The following UBE2V1 variants were observed in gnomAD, a reference collection of about 807,000 sequenced individuals.
UBE2V1 encodes ubiquitin conjugating enzyme E2 V1.
Under a neutral mutation model 19.6 loss-of-function variants are expected in UBE2V1, and 15 were observed. The ratio of observed to expected loss-of-function variants is 0.77; its 90% CI spans 0.51 to 1.18. The LOEUF (loss-of-function observed/expected upper bound fraction) is 1.18. Among genes scored for constraint, UBE2V1 ranks in the 50% most tolerant of loss-of-function variants. UBE2V1 has a pLI of 0.00. For missense variants in UBE2V1, 125 were observed against 184.8 expected (o/e 0.68, Z 1.88); for synonymous variants, 60 against 60.7 (o/e 0.99, Z 0.05).
rs563239486 is a variant in UBE2V1, at chr20:50,089,160, A to AAATG, written c.172-4910_172-4907dup. Reference sequence around the variant, plus strand: ...CTAAGCTAACACAGATGTAATAACGAAATGAAGCAGGATGGAAACTCTTAA... The same window carrying AAATG: ...CTAAGCTAACACAGATGTAATAACGAAATGAATGAAGCAGGATGGAAACTCTTAA... On this transcript the variant is annotated intron_variant, in intron 2 of 3. Transcript: ENST00000371674. Among the ~76,000 whole-genome samples the AAATG allele has an allele frequency of 3.1e-4, 47 of 150,442 alleles. 1 individual carries two copies. In the East Asian group the frequency reaches 8.7e-3, roughly 28 times the overall value.
chr20:50,099,268 A>C (rs1452806205), intron 1 of UBE2V1, among the ~76,000 whole-genome samples: 1 of 152,200 alleles, frequency 6.6e-6, no homozygotes, highest in Non-Finnish European at 1.5e-5. Context: ...CCAGTACCTC[A>C]GAATGTGACA....
chr20:50,115,522 ATCAC>A (rs2080984175), upstream of UBE2V1: 1 of 1,595,934 alleles, frequency 6.3e-7, no homozygotes, highest in Non-Finnish European at 8.6e-7. Context: ...GTCTTCCTTC[ATCAC>A]TCAGTTTGCT....
Position 50,081,793 on chromosome 20 carries a change from C to G in UBE2V1, c.*975G>C. ...CCAAGGACTCCGAGAGCTGGCAGGT[C>G]TGAGTAACCCTGGTGACTATTCTTT... On this transcript the variant is annotated 3_prime_UTR_variant, in exon 4 of 4. Coordinates refer to ENST00000371674, the MANE Select transcript of UBE2V1 (RefSeq NM_001032288.3). 1 of 252,320 alleles carries G rather than the reference C, an allele frequency of 4.0e-6. No homozygotes were observed. The highest frequency in any genetic ancestry group is 7.5e-6 in the Non-Finnish European group (1 of 132,882). 15.6% of individuals were successfully genotyped at this position (252,320 alleles called of 1,614,324 possible).
chr20:50,100,480 G>C (rs529551777), intron 1 of UBE2V1, among the ~76,000 whole-genome samples: 1 of 151,890 alleles, frequency 6.6e-6, no homozygotes, highest in African/African-American at 2.4e-5. Flanking sequence ...AGCTACTCGG[G>C]AGGCTGAGGC....
At position 50,082,871 on chromosome 20, in the gene UBE2V1, G is replaced by A; in HGVS notation, c.341C>T (p.Ser114Leu). ...AISVLAKWQN[S>L]YSIKVVLQEL... The stretch of plus-strand genomic sequence containing the variant: ...TTGCAGGACAACTTTGATGCTATAT[G>A]AATTCTGCCATTTTGCTAGCACTGA... The change falls in exon 4 of 4, where the codon TCA becomes TTA. Residue 114 changes from serine to leucine, a missense_variant. By Grantham distance (145) the Ser-to-Leu change is moderately radical (BLOSUM62 -2). Coordinates refer to ENST00000371674, the MANE Select transcript of UBE2V1 (RefSeq NM_001032288.3). The A allele has an allele frequency of 6.2e-7, 1 of 1,612,186 alleles. No individual in the cohort carries two copies. Among genetic ancestry groups the A allele is most frequent in the Non-Finnish European group, 8.5e-7 (1 of 1,179,852 alleles).
intron 1 of UBE2V1, among the ~76,000 whole-genome samples, chr20:50,106,334 A>T (rs2080354508): frequency 6.6e-6 from 1 of 152,244 alleles, no homozygotes; most frequent in Non-Finnish European, 1.5e-5. Context: ...TTGAAAAAGC[A>T]TGAATATTTG....
intron 1 of UBE2V1, among the ~76,000 whole-genome samples, chr20:50,105,521 T>A (rs1010771901): frequency 1.3e-5 from 2 of 152,230 alleles, no homozygotes; most frequent in African/African-American, 4.8e-5. Flanking sequence ...CTCTAACATA[T>A]GTTTTGGTCC....
chr20:50,110,645 T>C (rs1478530013), intron 1 of UBE2V1, among the ~76,000 whole-genome samples: 4 of 152,228 alleles, frequency 2.6e-5, no homozygotes, highest in Non-Finnish European at 5.9e-5. Flanking sequence ...GATCTTATCA[T>C]ACTCCTCTTT....
chr20:50,082,755 T>A lies in UBE2V1; in HGVS notation c.*13A>T. 1 of 1,608,040 alleles carries A rather than the reference T, an allele frequency of 6.2e-7. No homozygotes were observed. The highest frequency in any genetic ancestry group is 8.5e-7 in the Non-Finnish European group (1 of 1,179,448). ...TGGGGGGAAGGGGAAGGGCCTGTGG[T>A]TTTTCTTTTTGATTAATTGCTGTAA... On this transcript the variant is annotated 3_prime_UTR_variant, in exon 4 of 4. Coordinates refer to ENST00000371674, the MANE Select transcript of UBE2V1 (RefSeq NM_001032288.3).
chr20:50,088,424 C>A (rs890303896), intron 2 of UBE2V1, among the ~76,000 whole-genome samples: 1 of 152,140 alleles, frequency 6.6e-6, no homozygotes, highest in African/African-American at 2.4e-5. Context: ...AAAGGTAGCA[C>A]AGGAAGTACT....
In UBE2V1 at chr20:50,093,990, A is replaced by ATT. The variant is rs1406398201; in HGVS notation, c.171+2681_171+2682insAA. On this transcript the variant is annotated intron_variant, in intron 2 of 3. Transcript: ENST00000371674. ...GAGACAGAGCGAGACTCCAACTCAA[A>ATT]AAAAAAAAAAAAAAAAAAAAAATAA... Among the ~76,000 whole-genome samples the ATT allele has an allele frequency of 4.0e-3, 259 of 63,990 alleles. 4 individuals carry two copies. The highest frequency in any genetic ancestry group is 0.02 in the African/African-American group (207 of 10,246). 42.0% of individuals were successfully genotyped at this position (63,990 alleles called of 152,430 possible). A position where few individuals can be genotyped will look rare whatever the true frequency, so the allele number is the denominator to read the frequency against.
chr20:50,088,100 TAAAA>T (rs11302479), intron 2 of UBE2V1, among the ~76,000 whole-genome samples: 8 of 109,140 alleles, frequency 7.3e-5, no homozygotes, highest in African/African-American at 7.2e-5. Flanking sequence ...GTCTAATCAT[TAAAA>T]AAAAAAAAAA....
At chr20:50,103,264 A>G (rs2080126051) in intron 1 of UBE2V1, among the ~76,000 whole-genome samples, 1 of 152,254 alleles carries the variant, frequency 6.6e-6, no homozygotes, top group African/African-American at 2.4e-5. Flanking sequence ...ACAGTATTTC[A>G]GAATGAACAA....
chr20:50,106,358 C>A (rs1397866386), intron 1 of UBE2V1, among the ~76,000 whole-genome samples: 2 of 152,196 alleles, frequency 1.3e-5, no homozygotes, highest in African/African-American at 4.8e-5. Context: ...GAGCTTTACA[C>A]CATGCCACAG....
At chr20:50,091,598 G>A (rs1422339805) in intron 2 of UBE2V1, among the ~76,000 whole-genome samples, 1 of 151,328 alleles carries the variant, frequency 6.6e-6, no homozygotes, top group African/African-American at 2.4e-5. Flanking sequence ...TCGCCATATT[G>A]GCCAGGCTGG....
intron 1 of UBE2V1, among the ~76,000 whole-genome samples, chr20:50,102,632 T>G (rs2080078270): frequency 6.6e-6 from 1 of 152,170 alleles, no homozygotes; most frequent in Non-Finnish European, 1.5e-5. Context: ...CCTCAGGTGA[T>G]CCGCTGGCCT....
At chr20:50,114,592 T>C (rs2080951785), upstream of UBE2V1, among the ~76,000 whole-genome samples, 1 of 152,130 alleles carries the variant, frequency 6.6e-6, no homozygotes, top group African/African-American at 2.4e-5. Context: ...CTTATTATAA[T>C]CTCACCAGGA....
chr20:50,082,745 GGGCCTGT>G lies in UBE2V1; in HGVS notation c.*16_*22del. ...TAAATCGAATTGGGGGGAAGGGGAA[GGGCCTGT>G]GGTTTTTCTTTTTGATTAATTGCTG... On this transcript the variant is annotated 3_prime_UTR_variant, in exon 4 of 4. Transcript: ENST00000371674. 1.2e-6 allele frequency: 2 copies of G among 1,604,770 alleles called. No homozygotes were observed. Among genetic ancestry groups the G allele is most frequent in the South Asian group, 2.2e-5 (2 of 90,408 alleles).
In UBE2V1 at chr20:50,103,780, C is replaced by T. The variant is rs28611129; in HGVS notation, c.23-6960G>A. 4.2e-3 allele frequency among the ~76,000 whole-genome samples: 646 copies of T among 152,144 alleles called. 4 individuals carry two copies. Among genetic ancestry groups the T allele is most frequent in the African/African-American group, 0.015 (602 of 41,494 alleles). ...TCAGGAGAGGCCCTCTCAGAGACCC[C>T]GGTCCCGGTCCCAAACACCTTTACT... On this transcript the variant is annotated intron_variant, in intron 1 of 3. Coordinates refer to ENST00000371674, the MANE Select transcript of UBE2V1 (RefSeq NM_001032288.3).
Sources: gnomAD v4.1 joint callset for allele counts (sites outside exome capture counted in the v4.1 genomes callset) on GRCh38, gnomAD v4.1.1 for gene constraint, MANE v1.5 for transcripts, NCBI Gene and HGNC (gene_info 2026-07-23, HGNC 2026-07-21) for gene names.